STARD9: variants seen among roughly 807,000 people sequenced by gnomAD.
STARD9 encodes the protein StAR related lipid transfer domain containing 9, also known as stAR-related lipid transfer protein 9.
A neutral mutation model predicts 399.8 loss-of-function variants in STARD9; 346 were observed. That is an observed-to-expected ratio of 0.87 (90% CI 0.79 to 0.95). The LOEUF (loss-of-function observed/expected upper bound fraction) is 0.95, where lower values mean the gene tolerates loss of function less well. Among genes scored for constraint, STARD9 ranks in the 40% least tolerant of loss-of-function variants. STARD9 has a pLI of 0.00. For missense variants in STARD9, 5,832 were observed against 5,667.5 expected (o/e 1.03, Z -0.93); for synonymous variants, 2,203 against 2,143.5 (o/e 1.03, Z -0.77).
In STARD9 at chr15:42,719,745, C is replaced by G. The variant is rs1351730939; in HGVS notation, c.*171C>G. 1.5e-5 allele frequency: 9 copies of G among 593,708 alleles called. No homozygotes were observed. In the East Asian group the frequency reaches 2.6e-4, roughly 17 times the overall value. 36.8% of individuals were successfully genotyped at this position (593,708 alleles called of 1,614,324 possible). A position where few individuals can be genotyped will look rare whatever the true frequency, so the allele number is the denominator to read the frequency against. ...CCCAGGGATGCTAGCAAAGCCCAGT[C>G]AGTACTTGGTCACAGCTGGCACCAG... is the stretch of plus-strand genomic sequence containing the variant. On this transcript the variant is annotated 3_prime_UTR_variant, in exon 33 of 33. Transcript: ENST00000290607.
intron 2 of STARD9, 31 bp from the exon 3 acceptor site, chr15:42,585,490 A>C: frequency 6.9e-7 from 1 of 1,456,450 alleles, no homozygotes; most frequent in South Asian, 1.2e-5. Context: ...ATTATGATAG[A>C]AAAGACACTG....
chr15:42,678,240 C>A (rs2060352933), intron 20 of STARD9, among the ~76,000 whole-genome samples: 1 of 152,202 alleles, frequency 6.6e-6, no homozygotes, highest in African/African-American at 2.4e-5. Context: ...CAGCTGGGCT[C>A]CCAGTCTGGA....
At chr15:42,643,156 A>G (rs1303048276) in intron 7 of STARD9, among the ~76,000 whole-genome samples, 1 of 152,152 alleles carries the variant, frequency 6.6e-6, no homozygotes, top group Non-Finnish European at 1.5e-5. Flanking sequence ...ACTAGATTCA[A>G]CAGATATAAA....
At chr15:42,641,222 G>T (rs1252902431) in intron 7 of STARD9, among the ~76,000 whole-genome samples, 4 of 152,126 alleles carry the variant, frequency 2.6e-5, no homozygotes, top group Non-Finnish European at 4.4e-5. Flanking sequence ...ATACCTTTAT[G>T]GAGTGAATCC....
intron 26 of STARD9, among the ~76,000 whole-genome samples, chr15:42,700,922 G>T (rs1283598154): frequency 6.6e-6 from 1 of 152,090 alleles, no homozygotes; most frequent in South Asian, 2.1e-4. Flanking sequence ...TTAAGTTTTT[G>T]ATCCTTTTTG....
Position 42,719,501 on chromosome 15 carries a change from C to G in STARD9, c.14030C>G (p.Pro4677Arg). 1.3e-6 allele frequency: 2 copies of G among 1,537,170 alleles called. No homozygotes were observed. Among genetic ancestry groups the G allele is most frequent in the Non-Finnish European group, 1.7e-6 (2 of 1,146,834 alleles). Residue 4677 changes from proline to arginine, a missense_variant, in exon 33 of 33, where the codon CCT (proline) becomes CGT (arginine). Physicochemically the swap from Pro to Arg is moderately radical, Grantham distance 103 (BLOSUM62 -2). Coordinates refer to ENST00000290607, the MANE Select transcript of STARD9 (RefSeq NM_020759.3). ...GAACTTGGTGCTCCAGGCTTCCCAC[C>G]TCAGCTCCTGAGCTCTTTCATCAAA... ...QVELGAPGFP[P>R]QLLSSFIKRQ... is the part of the protein sequence containing the mutation.
chr15:42,649,838 CAGGCATG>C (rs1314330147), intron 7 of STARD9, among the ~76,000 whole-genome samples: 1 of 148,470 alleles, frequency 6.7e-6, no homozygotes, highest in Non-Finnish European at 1.5e-5. Flanking sequence ...ACTGGGATTA[CAGGCATG>C]AGGCACCGAG....
Position 42,689,855 on chromosome 15 carries a change from G to A in STARD9, c.8277G>A (p.Glu2759=). 1 of 1,537,372 alleles carries A rather than the reference G, an allele frequency of 6.5e-7. No individual in the cohort carries two copies. Among genetic ancestry groups the A allele is most frequent in the Non-Finnish European group, 8.7e-7 (1 of 1,146,954 alleles). Residue 2759 remains glutamate, a synonymous_variant, in exon 23 of 33, where the codon GAG becomes GAA. Transcript: ENST00000290607. ...ATGATCCTAGAGTGACTCTGCATGAGCTAAGTCAGTCAGTTCCGCAGGAGA... is the reference window on the plus strand; with the variant it reads ...ATGATCCTAGAGTGACTCTGCATGAACTAAGTCAGTCAGTTCCGCAGGAGA... The part of the protein sequence containing the change: ...PYDDPRVTLH[E]LSQSVPQETA...
At chr15:42,712,746 C>G (rs951776492) in intron 26 of STARD9, among the ~76,000 whole-genome samples, 14 of 152,150 alleles carry the variant, frequency 9.2e-5, no homozygotes, top group Middle Eastern at 3.4e-3. Context: ...TGCCTGGGCT[C>G]GTCTCAAACT....
Position 42,694,351 on chromosome 15 carries a change from C to T in STARD9, c.12764+9C>T, listed in dbSNP as rs1188901482. 1.8e-5 allele frequency: 27 copies of T among 1,532,200 alleles called. No homozygotes were observed. Among genetic ancestry groups the T allele is most frequent in the Non-Finnish European group, 1.1e-5 (13 of 1,144,168 alleles). 94.9% of individuals were successfully genotyped at this position (1,532,200 alleles called of 1,614,324 possible). ...AAGGAGCTCTATGCACGGTAAGGAC[C>T]CCCAGCCTGGAGTCGGGAGGGGAAG... is the stretch of plus-strand genomic sequence containing the variant. On this transcript the variant is annotated intron_variant, in intron 23 of 32. Coordinates refer to ENST00000290607, the MANE Select transcript of STARD9 (RefSeq NM_020759.3).
intron 26 of STARD9, among the ~76,000 whole-genome samples, chr15:42,715,865 A>G (rs1356967901): frequency 6.6e-6 from 1 of 152,152 alleles, no homozygotes; most frequent in Non-Finnish European, 1.5e-5. Flanking sequence ...TCCAGTGAAG[A>G]GGAAGAGGTG....
At position 42,664,789 on chromosome 15, in the gene STARD9, A is replaced by AACACACACACACAC. The variant is rs55773330; in HGVS notation, c.1177-441_1177-428dup. Among the ~76,000 whole-genome samples the AACACACACACACAC allele has an allele frequency of 1.3e-3, 195 of 144,820 alleles. 1 individual carries two copies. The highest frequency in any genetic ancestry group is 4.6e-3 in the African/African-American group (183 of 39,886). On this transcript the variant is annotated intron_variant, in intron 13 of 32. Coordinates refer to ENST00000290607, the MANE Select transcript of STARD9 (RefSeq NM_020759.3). Reference sequence around the variant, plus strand: ...ATTCATTGGTTTTTGTTTATCCTTTAACACACACACACACACACACACACA... The same window carrying AACACACACACACAC: ...ATTCATTGGTTTTTGTTTATCCTTTAACACACACACACACACACACACACACACACACACACACA...
At chr15:42,651,533 G>A (rs1207934478) in intron 8 of STARD9, among the ~76,000 whole-genome samples, 2 of 152,100 alleles carry the variant, frequency 1.3e-5, no homozygotes, top group African/African-American at 4.8e-5. Context: ...ATAACTAGGT[G>A]CTGTAGATTC....
At chr15:42,623,809 A>T (rs2059140944) in intron 3 of STARD9, among the ~76,000 whole-genome samples, 1 of 152,250 alleles carries the variant, frequency 6.6e-6, no homozygotes, top group African/African-American at 2.4e-5. Context: ...TCACAGCATA[A>T]AATGGAGAAG....
At chr15:42,648,195 C>T (rs2059683940) in intron 7 of STARD9, among the ~76,000 whole-genome samples, 1 of 152,146 alleles carries the variant, frequency 6.6e-6, no homozygotes, top group African/African-American at 2.4e-5. Flanking sequence ...TGGAGTCTTG[C>T]TCTGTCACCC....
Position 42,686,569 on chromosome 15 carries a change from A to T in STARD9, c.4991A>T (p.Lys1664Ile), listed in dbSNP as rs752028931. ...CACAGTAATGTCACTACAGCCACCA[A>T]AGCAGACCATTGGTCCCAAGGCTGG... ...ACHSNVTTATKADHWSQGWAP... is the reference protein window; with the variant it reads ...ACHSNVTTATIADHWSQGWAP... Residue 1664 changes from lysine (K) to isoleucine (I), a missense_variant, in exon 23 of 33, where the codon AAA (lysine) becomes ATA (isoleucine). This residue lies in a region of STARD9 where 5,828 missense variants were observed against 5,651.1 expected (regional missense o/e 1.03). Coordinates refer to ENST00000290607, the MANE Select transcript of STARD9 (RefSeq NM_020759.3). 24 of 1,537,400 alleles carry T rather than the reference A, an allele frequency of 1.6e-5. No homozygotes were observed. The highest frequency in any genetic ancestry group is 2.0e-5 in the Non-Finnish European group (23 of 1,147,018).
intron 3 of STARD9, among the ~76,000 whole-genome samples, chr15:42,626,658 G>A (rs1375097336): frequency 4.0e-5 from 6 of 151,024 alleles, no homozygotes; most frequent in African/African-American, 7.3e-5. Context: ...GCGCCACCAC[G>A]CTCAGCTAAT....
Position 42,694,582 on chromosome 15 carries a change from C to A in STARD9, c.12819C>A (p.Asn4273Lys). 1.3e-6 allele frequency: 2 copies of A among 1,537,214 alleles called. No homozygotes were observed. Among genetic ancestry groups the A allele is most frequent in the Non-Finnish European group, 1.7e-6 (2 of 1,146,886 alleles). ...GAGAGCGGGCTGAGCGACTTGGGAA[C>A]TTCTGCCGGACGCGAAGCCTTAGCC... Reference protein sequence around the residue: ...LRRERAERLGNFCRTRSLSPQ... With the variant: ...LRRERAERLGKFCRTRSLSPQ... The change falls in exon 24 of 33, where the codon AAC becomes AAA. Residue 4273 changes from asparagine (N) to lysine (K), a missense_variant. Asn to Lys is a moderately conservative substitution (Grantham distance 94). Coordinates refer to ENST00000290607, the MANE Select transcript of STARD9 (RefSeq NM_020759.3).
chr15:42,698,839 G>A (rs1465050203), intron 26 of STARD9, among the ~76,000 whole-genome samples: 2 of 151,946 alleles, frequency 1.3e-5, no homozygotes, highest in Non-Finnish European at 2.9e-5. Context: ...GTTCTTTCCA[G>A]ATGGCTATCT....
Sources: allele counts gnomAD v4.1 joint callset (sites outside exome capture counted in the v4.1 genomes callset), GRCh38; gene constraint gnomAD v4.1.1; regional missense constraint gnomAD v4.1.1; transcripts MANE v1.5; gene names NCBI Gene and HGNC (gene_info 2026-07-23, HGNC 2026-07-21).